Variants in DFFA observed in about 807,000 individuals in gnomAD.
DFFA encodes the protein DNA fragmentation factor subunit alpha.
Under a neutral mutation model 28.0 loss-of-function variants are expected in DFFA, and 14 were observed. That is an observed-to-expected ratio of 0.50 (90% confidence interval 0.33 to 0.78). The LOEUF (loss-of-function observed/expected upper bound fraction) is 0.78. DFFA is among the 30% of genes least tolerant of loss of function. The probability of loss-of-function intolerance (pLI) is 0.02; values close to 1 mark genes in which losing one functional copy is unlikely to be tolerated. For synonymous variants in DFFA, 158 were observed against 170.3 expected (o/e 0.93, Z 0.56); for missense variants, 395 against 407.1 (o/e 0.97, Z 0.26).
Position 10,463,120 on chromosome 1 carries a change from T to C in DFFA, c.721A>G (p.Ile241Val). Reference protein sequence around the residue: ...TSSDVALASHILTALREKQAP... With the variant: ...TSSDVALASHVLTALREKQAP... The stretch of plus-strand genomic sequence containing the variant: ...TGCTTCTCCCTCAGTGCAGTAAGGA[T>C]GTGGCTCGCCAGCGCAACGTCCGAG... The change falls in exon 5 of 6, where the codon ATC (isoleucine) becomes GTC (valine). Residue 241 changes from isoleucine to valine, a missense_variant. Physicochemically the swap from Ile to Val is conservative, Grantham distance 29 (BLOSUM62 3). Coordinates refer to ENST00000377038, the MANE Select transcript of DFFA (RefSeq NM_004401.3). The C allele has an allele frequency of 6.2e-7, 1 of 1,614,184 alleles. No homozygotes were observed. The highest frequency in any genetic ancestry group is 8.5e-7 in the Non-Finnish European group (1 of 1,180,042).
intron 5 of DFFA, chr1:10,462,783 C>G (rs915379587): frequency 3.2e-5 from 41 of 1,297,032 alleles, no homozygotes; most frequent in Non-Finnish European, 4.0e-5. Flanking sequence ...AGATTGGGCC[C>G]TGCTATTCCT....
In DFFA at chr1:10,463,201, C is replaced by T. The variant is rs759001817; in HGVS notation, c.640G>A (p.Ala214Thr). The T allele has an allele frequency of 1.2e-6, 2 of 1,614,042 alleles. No individual in the cohort carries two copies. The highest frequency in any genetic ancestry group is 1.1e-5 in the South Asian group (1 of 91,078). ...GCATCCACCTCCTCACCAAAGGCAG[C>T]TTTGGACTCTGCAAAGGAGACACGA... ...SLLSKQEESK[A>T]AFGEEVDAVD... is the part of the protein sequence containing the mutation. The change falls in exon 5 of 6, where the codon GCT (alanine) becomes ACT (threonine). Residue 214 changes from alanine to threonine, a missense_variant. Transcript: ENST00000377038.
At chr1:10,465,355 C>A (rs937518792) in intron 3 of DFFA, among the ~76,000 whole-genome samples, 1 of 152,114 alleles carries the variant, frequency 6.6e-6, no homozygotes, top group African/African-American at 2.4e-5. Context: ...CTACCTCCCC[C>A]TCCCAGGTCA....
Position 10,461,140 on chromosome 1 carries a change from G to C in DFFA, c.*350C>G, listed in dbSNP as rs1200794867. 5.1e-6 allele frequency: 1 copy of C among 197,188 alleles called. No homozygotes were observed. Among genetic ancestry groups the C allele is most frequent in the Non-Finnish European group, 1.1e-5 (1 of 94,268 alleles). The allele number at this position is 197,188 out of a possible 1,614,324, so 12.2% of individuals were successfully genotyped here. On this transcript the variant is annotated 3_prime_UTR_variant, in exon 6 of 6. Coordinates refer to ENST00000377038, the MANE Select transcript of DFFA (RefSeq NM_004401.3). ...TTAGCCAGGATGGTCTCGATCTCCT[G>C]ACTTCACGATCCGCCCCCCTCGGCC...
At chr1:10,461,776 T>C in intron 5 of DFFA, 74 bp from the exon 6 acceptor site, 2 of 1,579,298 alleles carry the variant, frequency 1.3e-6, no homozygotes, top group Non-Finnish European at 1.7e-6. Context: ...GACTCTCTTT[T>C]GGGGAGTGCA....
intron 1 of DFFA, among the ~76,000 whole-genome samples, chr1:10,470,422 CTTTT>C (rs59658414): frequency 5.6e-5 from 6 of 107,292 alleles, no homozygotes; most frequent in Middle Eastern, 5.0e-3. Flanking sequence ...CAGTTTTCCT[CTTTT>C]TTTTTTTTTT....
At chr1:10,464,355 G>A (rs1460894230) in intron 3 of DFFA, among the ~76,000 whole-genome samples, 1 of 152,142 alleles carries the variant, frequency 6.6e-6, no homozygotes, top group Non-Finnish European at 1.5e-5. Context: ...GCCTCCCAAA[G>A]TGCTGGGATT....
chr1:10,470,582 G>A (rs1381420660), intron 1 of DFFA, among the ~76,000 whole-genome samples: 3 of 150,278 alleles, frequency 2.0e-5, no homozygotes, highest in Non-Finnish European at 3.0e-5. Context: ...CCACCACCAC[G>A]CCCGGCTAAT....
In DFFA at chr1:10,458,280, G is replaced by C. The variant is rs1171622982; in HGVS notation, c.*3210C>G. 3 of 152,076 alleles carry C rather than the reference G, an allele frequency of 2.0e-5. No individual in the cohort carries two copies. In the South Asian group the frequency reaches 6.2e-4, roughly 32 times the overall value. 9.4% of individuals were successfully genotyped at this position (152,076 alleles called of 1,614,324 possible). ...TTTTGCCCTGAAACAGTACATCTGG[G>C]GCATTATATTAATGCTTCTGTATGA... On this transcript the variant is annotated 3_prime_UTR_variant, in exon 6 of 6. Coordinates refer to ENST00000377038, the MANE Select transcript of DFFA (RefSeq NM_004401.3).
At chr1:10,470,456 ACT>A (rs1314250989) in intron 1 of DFFA, among the ~76,000 whole-genome samples, 7 of 122,924 alleles carry the variant, frequency 5.7e-5, no homozygotes, top group Non-Finnish European at 1.1e-4. Flanking sequence ...ACGGAGTCTC[ACT>A]CTGTCGCCCA....
rs529815256 is a variant in DFFA at position 10,463,133 on chromosome 1, C to T, written c.708G>A (p.Ala236=). ...GTGCAGTAAGGATGTGGCTCGCCAGCGCAACGTCCGAGGAGGTCTCTCTGC... is the reference window on the plus strand; with the variant it reads ...GTGCAGTAAGGATGTGGCTCGCCAGTGCAACGTCCGAGGAGGTCTCTCTGC... The part of the protein sequence containing the change: ...GISRETSSDV[A]LASHILTALR... The change falls in exon 5 of 6, where the codon GCG becomes GCA. Residue 236 remains alanine, a synonymous_variant. Transcript: ENST00000377038. 1.1e-5 allele frequency: 17 copies of T among 1,614,166 alleles called. No individual in the cohort carries two copies. In the East Asian group the frequency reaches 1.1e-4, roughly 11 times the overall value.
chr1:10,463,639 C>A lies in DFFA; in HGVS notation c.442-19G>T, dbSNP rs148199800. The A allele has an allele frequency of 3.0e-5, 48 of 1,589,012 alleles. No individual in the cohort carries two copies. Among genetic ancestry groups the A allele is most frequent in the Non-Finnish European group, 4.1e-5 (48 of 1,172,092 alleles). On this transcript the variant is annotated intron_variant, in intron 3 of 5. Transcript: ENST00000377038. ...CAAGCATCTAACAAACAAACACAGA[C>A]GCTTAGAAATCTACAGGGACTTTCT...
intron 4 of DFFA, 37 bp from the exon 5 acceptor site, chr1:10,463,246 G>A: frequency 6.2e-7 from 1 of 1,601,928 alleles, no homozygotes; most frequent in Admixed American, 1.7e-5. Flanking sequence ...CAGACGTGGT[G>A]TGACCACACA....
rs998490799 is a variant in DFFA, at chr1:10,461,416, T to C, written c.*74A>G. The C allele has an allele frequency of 2.0e-6, 3 of 1,529,296 alleles. No homozygotes were observed. Among genetic ancestry groups the C allele is most frequent in the Non-Finnish European group, 2.6e-6 (3 of 1,133,848 alleles). 94.7% of individuals were successfully genotyped at this position (1,529,296 alleles called of 1,614,324 possible). A position where few individuals can be genotyped will look rare whatever the true frequency, so the allele number is the denominator to read the frequency against. ...AGGGGGTAGAGTAGTACATAGGTAG[T>C]CAAATGATGAGGCTGAGGGTGTCTA... is the stretch of plus-strand genomic sequence containing the variant. On this transcript the variant is annotated 3_prime_UTR_variant, in exon 6 of 6. Transcript: ENST00000377038.
chr1:10,464,958 A>AAATTC (rs1641001829), intron 3 of DFFA, among the ~76,000 whole-genome samples: 1 of 152,072 alleles, frequency 6.6e-6, no homozygotes, highest in Non-Finnish European at 1.5e-5. Flanking sequence ...GGGGCTCAAT[A>AAATTC]AATATGTTTT....
In DFFA at chr1:10,461,546, C is replaced by A; in HGVS notation, c.940G>T (p.Ala314Ser). ...HSLRSISASK[A>S]SPPGDLQNPK... ...TTCTGCAGGTCACCAGGTGGTGAGG[C>A]CTTGCTTGCTGAGATGCTCCGGAGA... is the stretch of plus-strand genomic sequence containing the variant. The change falls in exon 6 of 6, where the codon GCC (alanine) becomes TCC (serine). Residue 314 changes from alanine (A) to serine (S), a missense_variant. Physicochemically the swap from Ala to Ser is moderately conservative, Grantham distance 99. Coordinates refer to ENST00000377038, the MANE Select transcript of DFFA (RefSeq NM_004401.3). 2 of 1,614,068 alleles carry A rather than the reference C, an allele frequency of 1.2e-6. No individual in the cohort carries two copies. Among genetic ancestry groups the A allele is most frequent in the Admixed American group, 1.7e-5 (1 of 60,014 alleles).
rs187341281 is a variant in DFFA at position 10,468,814 on chromosome 1, C to A, written c.298+363G>T. Among the ~76,000 whole-genome samples the A allele has an allele frequency of 1.1e-4, 16 of 151,990 alleles. No homozygotes were observed. The East Asian group carries it at 2.9e-3, about 28-fold the overall frequency. On this transcript the variant is annotated intron_variant, in intron 2 of 5. Coordinates refer to ENST00000377038, the MANE Select transcript of DFFA (RefSeq NM_004401.3). ...AGTGCAGTGGCACAATCTCAGCTCACTGCAACCTCCACCTCCCAGGTTCAA... is the reference window on the plus strand; with the variant it reads ...AGTGCAGTGGCACAATCTCAGCTCAATGCAACCTCCACCTCCCAGGTTCAA...
chr1:10,461,989 G>A (rs1640949636), intron 5 of DFFA: 2 of 400,852 alleles, frequency 5.0e-6, no homozygotes, highest in Non-Finnish European at 6.8e-6. Context: ...TGAGTAGCTG[G>A]GACTACAGGT....
Position 10,463,483 on chromosome 1 carries a change from C to T in DFFA, c.579G>A (p.Gln193=). 5 of 1,614,078 alleles carry T rather than the reference C, an allele frequency of 3.1e-6. No homozygotes were observed. Among genetic ancestry groups the T allele is most frequent in the Non-Finnish European group, 4.2e-6 (5 of 1,180,034 alleles). The change falls in exon 4 of 6, where the codon CAG becomes CAA. Residue 193 remains glutamine (Q), a synonymous_variant. Transcript: ENST00000377038. ...EEVRQSKQLL[Q]LYLQALEKEG... ...CTTTCTCCAAAGCCTGGAGGTACAG[C>T]TGCAGGAGCTGCTTGGACTGACGCA...
Sources: gnomAD v4.1 joint callset for allele counts (sites outside exome capture counted in the v4.1 genomes callset) on GRCh38, gnomAD v4.1.1 for gene constraint, MANE v1.5 for transcripts, NCBI Gene and HGNC (gene_info 2026-07-23, HGNC 2026-07-21) for gene names.